SLC27A6: variants seen among roughly 807,000 people sequenced by gnomAD.
SLC27A6 encodes solute carrier family 27 member 6, also known as long-chain fatty acid transport protein 6.
SLC27A6 carries 74 observed loss-of-function variants against 63.9 expected under a neutral mutation model. That is an observed-to-expected ratio of 1.16 (90% CI 0.96 to 1.40). The LOEUF (loss-of-function observed/expected upper bound fraction) is 1.40, where lower values mean the gene tolerates loss of function less well. Among genes scored for constraint, SLC27A6 ranks in the 40% most tolerant of loss-of-function variants. SLC27A6 has a pLI of 0.00. For missense variants in SLC27A6, 794 were observed against 732.9 expected, an observed-to-expected ratio of 1.08 and a Z score of -0.96; for synonymous variants, 287 against 260.8, an observed-to-expected ratio of 1.10 and a Z score of -0.97.
intron 1 of SLC27A6, among the ~76,000 whole-genome samples, chr5:128,968,500 C>T (rs572388513): frequency 1.3e-5 from 2 of 152,176 alleles, no homozygotes; most frequent in Non-Finnish European, 2.9e-5. Flanking sequence ...ATTTGCATTT[C>T]TCTGATGGCC....
At position 129,010,495 on chromosome 5, in the gene SLC27A6, C is replaced by T. The variant is rs1402019648; in HGVS notation, c.970-5390C>T. On this transcript the variant is annotated intron_variant, in intron 4 of 9. Transcript: ENST00000262462. ...ATCAGACTTTAAAGCAGATGATTTT[C>T]TCTGGCTGCAAGCAAGGAAGACTCA... 2.0e-5 allele frequency among the ~76,000 whole-genome samples: 3 copies of T among 152,076 alleles called. No individual in the cohort carries two copies. In the East Asian group the frequency reaches 5.8e-4, roughly 29 times the overall value.
intron 2 of SLC27A6, among the ~76,000 whole-genome samples, chr5:128,987,768 T>A (rs2150135324): frequency 6.6e-6 from 1 of 151,336 alleles, no homozygotes; most frequent in Middle Eastern, 3.4e-3. Context: ...AAATCAAGAG[T>A]TCTAAAAATG....
At chr5:129,022,077 C>T (rs555144228) in intron 5 of SLC27A6, among the ~76,000 whole-genome samples, 1 of 152,164 alleles carries the variant, frequency 6.6e-6, no homozygotes, top group Non-Finnish European at 1.5e-5. Context: ...AACTTCTGGA[C>T]TCTTTCTTTC....
intron 5 of SLC27A6, among the ~76,000 whole-genome samples, chr5:129,021,695 T>C (rs1752080654): frequency 6.6e-6 from 1 of 152,222 alleles, no homozygotes; most frequent in African/African-American, 2.4e-5. Context: ...ATTTTTGTAA[T>C]ATCATGAGGA....
chr5:129,008,964 T>G (rs1307065663), intron 4 of SLC27A6, among the ~76,000 whole-genome samples: 1 of 151,206 alleles, frequency 6.6e-6, no homozygotes, highest in African/African-American at 2.4e-5. Context: ...CCTCCCGGGT[T>G]CAAGCAATTC....
intron 2 of SLC27A6, among the ~76,000 whole-genome samples, chr5:128,985,934 G>C (rs1750771952): frequency 6.6e-6 from 1 of 151,986 alleles, no homozygotes; most frequent in African/African-American, 2.4e-5. Context: ...CTGCAGGTTT[G>C]GACTAAGATA....
At chr5:128,987,526 C>T (rs1750829730) in intron 2 of SLC27A6, among the ~76,000 whole-genome samples, 1 of 151,880 alleles carries the variant, frequency 6.6e-6, no homozygotes, top group African/African-American at 2.4e-5. Flanking sequence ...TTGGAGAAAA[C>T]TGACAAGATA....
chr5:128,966,628 G>A lies in SLC27A6; in HGVS notation c.481+10G>A. ...CTAGTGGTGGGCGCAGGTAGAGTAT[G>A]GGGTGTGGTCTGCCTATACAGAATG... On this transcript the variant is annotated intron_variant, in intron 1 of 9. Coordinates refer to ENST00000262462, the MANE Select transcript of SLC27A6 (RefSeq NM_001017372.3). 6.6e-7 allele frequency: 1 copy of A among 1,507,036 alleles called. No individual in the cohort carries two copies. Among genetic ancestry groups the A allele is most frequent in the Non-Finnish European group, 8.8e-7 (1 of 1,136,598 alleles). The allele number at this position is 1,507,036 out of a possible 1,614,324, so 93.4% of individuals were successfully genotyped here. A position where few individuals can be genotyped will look rare whatever the true frequency, so the allele number is the denominator to read the frequency against.
chr5:128,972,092 C>G (rs1259951202), intron 1 of SLC27A6, among the ~76,000 whole-genome samples: 1 of 152,100 alleles, frequency 6.6e-6, no homozygotes, highest in Admixed American at 6.5e-5. Context: ...ATATTGGCCC[C>G]CATTCTCTTC....
intron 5 of SLC27A6, among the ~76,000 whole-genome samples, chr5:129,018,492 G>A (rs1751978134): frequency 6.6e-6 from 1 of 152,026 alleles, no homozygotes; most frequent in African/African-American, 2.4e-5. Context: ...CATTCTTTTA[G>A]AACTTTGAGG....
At chr5:128,989,651 G>A (rs973574853) in intron 3 of SLC27A6, among the ~76,000 whole-genome samples, 7 of 152,114 alleles carry the variant, frequency 4.6e-5, no homozygotes, top group African/African-American at 1.4e-4. Flanking sequence ...GTGGCCGGGC[G>A]CAGTGGCTCA....
intron 4 of SLC27A6, among the ~76,000 whole-genome samples, chr5:129,000,387 C>T (rs1181979): frequency 0.26 from 39,110 of 152,010 alleles, 5,959 homozygotes; most frequent in Middle Eastern, 0.35. Context: ...AGATCCTCAA[C>T]AAAATTTGTT....
At chr5:128,969,595 T>C (rs1434233232) in intron 1 of SLC27A6, among the ~76,000 whole-genome samples, 4 of 152,208 alleles carry the variant, frequency 2.6e-5, no homozygotes, top group African/African-American at 9.7e-5. Flanking sequence ...GGAATGCTTG[T>C]GATTTTTGCA....
rs190777223 is a variant in SLC27A6 at position 129,007,553 on chromosome 5, A to G, written c.970-8332A>G. On this transcript the variant is annotated intron_variant, in intron 4 of 9. Coordinates refer to ENST00000262462, the MANE Select transcript of SLC27A6 (RefSeq NM_001017372.3). The stretch of plus-strand genomic sequence containing the variant: ...GTTAATCTTCTTAATACACTATTAA[A>G]TGACAAGCATTCAACTTGGTTAAAA... 2.7e-3 allele frequency among the ~76,000 whole-genome samples: 407 copies of G among 152,138 alleles called. 3 individuals carry two copies. The highest frequency in any genetic ancestry group is 9.5e-3 in the African/African-American group (395 of 41,566).
chr5:129,021,238 G>A (rs1379807703), intron 5 of SLC27A6, among the ~76,000 whole-genome samples: 1 of 150,866 alleles, frequency 6.6e-6, no homozygotes, highest in East Asian at 1.9e-4. Flanking sequence ...GACATTCCAA[G>A]GACTTAGAGA....
intron 1 of SLC27A6, among the ~76,000 whole-genome samples, chr5:128,970,469 T>C (rs1403728346): frequency 2.6e-5 from 4 of 152,228 alleles, no homozygotes; most frequent in Non-Finnish European, 5.9e-5. Context: ...ATTCAACTTC[T>C]TCCTGGTTTA....
chr5:128,973,860 G>T (rs2577435), intron 1 of SLC27A6, among the ~76,000 whole-genome samples: 22 of 152,192 alleles, frequency 1.4e-4, no homozygotes, highest in Middle Eastern at 3.5e-3. Flanking sequence ...CGTCGCTCAC[G>T]CTAGGAGCTA....
chr5:128,988,669 G>A lies in SLC27A6; in HGVS notation c.755G>A (p.Gly252Asp). ...GGTTCTGCTGTCCTGTGGGCTTTTGGTTGTACTGCTCATGACATTGTTTAT... is the reference window on the plus strand; with the variant it reads ...GGTTCTGCTGTCCTGTGGGCTTTTGATTGTACTGCTCATGACATTGTTTAT... Reference protein sequence around the residue: ...LRGSAVLWAFGCTAHDIVYIT... With the variant: ...LRGSAVLWAFDCTAHDIVYIT... Residue 252 changes from glycine to aspartate, a missense_variant, in exon 3 of 10, where the codon GGT becomes GAT. Gly to Asp is a moderately conservative substitution (Grantham distance 94). Coordinates refer to ENST00000262462, the MANE Select transcript of SLC27A6 (RefSeq NM_001017372.3). 1 of 1,613,916 alleles carries A rather than the reference G, an allele frequency of 6.2e-7. No individual in the cohort carries two copies. Among genetic ancestry groups the A allele is most frequent in the South Asian group, 1.1e-5 (1 of 91,080 alleles).
intron 6 of SLC27A6, among the ~76,000 whole-genome samples, chr5:129,024,181 C>T (rs1443217326): frequency 1.3e-5 from 2 of 151,900 alleles, no homozygotes; most frequent in Non-Finnish European, 2.9e-5. Context: ...ATGTTAAGAG[C>T]CCTAGAGGGA....
Sources: allele counts gnomAD v4.1 joint callset (sites outside exome capture counted in the v4.1 genomes callset), GRCh38; gene constraint gnomAD v4.1.1; transcripts MANE v1.5; gene names NCBI Gene and HGNC (gene_info 2026-07-23, HGNC 2026-07-21).